The following ETV3 variants were observed in gnomAD, a reference collection of about 807,000 sequenced individuals.
ETV3 encodes ETS translocation variant 3.
In ETV3, 8 loss-of-function variants were observed where a neutral mutation model predicts 33.0. That is an observed-to-expected ratio of 0.24 (90% CI 0.14 to 0.44). The LOEUF (loss-of-function observed/expected upper bound fraction) is 0.44, where lower values mean the gene tolerates loss of function less well. Among genes scored for constraint, ETV3 ranks in the 20% least tolerant of loss-of-function variants. ETV3 has a pLI of 1.00. For synonymous variants in ETV3, 222 were observed against 238.9 expected (o/e 0.93, Z 0.65); for missense variants, 473 against 652.3 (o/e 0.73, Z 2.99).
At position 157,125,644 on chromosome 1, in the gene ETV3, G is replaced by A; in HGVS notation, c.736C>T (p.Pro246Ser). The change falls in exon 5 of 5, where the codon CCC (proline) becomes TCC (serine). Residue 246 changes from proline to serine, a missense_variant. Coordinates refer to ENST00000368192, the MANE Select transcript of ETV3 (RefSeq NM_001145312.3). The surrounding 1 kb of genome is among the most constrained non-coding windows in gnomAD (Gnocchi z 4.0). ...RPGMYPDPHS[P>S]FAVSPIPGRG... The stretch of plus-strand genomic sequence containing the variant: ...CCAGGGATTGGAGAGACAGCGAAGG[G>A]ACTGTGGGGGTCAGGGTACATCCCT... 1.9e-6 allele frequency: 3 copies of A among 1,551,714 alleles called. No individual in the cohort carries two copies. Among genetic ancestry groups the A allele is most frequent in the Non-Finnish European group, 2.6e-6 (3 of 1,147,008 alleles).
In ETV3 at chr1:157,134,718, G is replaced by C. The variant is rs150003228; in HGVS notation, c.285-491C>G. ...GGCAGGTCAAACAATGGCATGCCCT[G>C]ATCTGGAAAACAGCAGCTAGTGTGG... On this transcript the variant is annotated intron_variant, in intron 3 of 4. Coordinates refer to ENST00000368192, the MANE Select transcript of ETV3 (RefSeq NM_001145312.3). Among the ~76,000 whole-genome samples the C allele has an allele frequency of 7.2e-5, 11 of 152,340 alleles. No homozygotes were observed. The East Asian group carries it at 1.5e-3, about 21-fold the overall frequency.
At chr1:157,134,275 C>A in intron 3 of ETV3, 48 bp from the exon 4 acceptor site, 1 of 1,588,782 alleles carries the variant, frequency 6.3e-7, no homozygotes, top group South Asian at 1.2e-5. Context: ...CTACTGACAG[C>A]TTTCAATACA....
At position 157,125,042 on chromosome 1, in the gene ETV3, C is replaced by T. The variant is rs1219040970; in HGVS notation, c.1338G>A (p.Glu446=). Residue 446 remains glutamate (E), a synonymous_variant, in exon 5 of 5, where the codon GAG becomes GAA. Coordinates refer to ENST00000368192, the MANE Select transcript of ETV3 (RefSeq NM_001145312.3). This position sits in a 1 kb window ranked among gnomAD's most constrained non-coding sequence, Gnocchi z 4.0. ...GCCTATCCTCACTGTCTTCAGTCAC[C>T]TCCAGAGGTTCTCCACTTGGGGTGC... The part of the protein sequence containing the change: ...PISTPSGEPL[E]VTEDSEDRPG... 1.3e-6 allele frequency: 2 copies of T among 1,550,416 alleles called. No homozygotes were observed. Among genetic ancestry groups the T allele is most frequent in the African/African-American group, 2.7e-5 (2 of 72,978 alleles).
At chr1:157,134,982 T>C (rs998189078) in intron 3 of ETV3, 1 of 172,248 alleles carries the variant, frequency 5.8e-6, no homozygotes, top group Admixed American at 5.4e-5. Context: ...TCTTTAGACA[T>C]ATTGCAGCAG....
chr1:157,127,756 A>G (rs1448859987), intron 4 of ETV3, among the ~76,000 whole-genome samples: 1 of 152,088 alleles, frequency 6.6e-6, no homozygotes, highest in African/African-American at 2.4e-5. Flanking sequence ...CATGTTGGCC[A>G]GGCTGATCTC....
At chr1:157,135,428 C>A (rs1271273237) in intron 3 of ETV3, 43 bp downstream of exon 3, 1 of 1,606,698 alleles carries the variant, frequency 6.2e-7, no homozygotes, top group Non-Finnish European at 8.5e-7. Flanking sequence ...AGCTTAGTCT[C>A]CTTCCAATCT....
At chr1:157,135,155 T>C (rs1675068381) in intron 3 of ETV3, 1 of 451,316 alleles carries the variant, frequency 2.2e-6, no homozygotes, top group Admixed American at 3.9e-5. Flanking sequence ...AACTAATCCT[T>C]TGGATTATAA....
chr1:157,127,464 C>A (rs1334500376), intron 4 of ETV3, among the ~76,000 whole-genome samples: 3 of 152,080 alleles, frequency 2.0e-5, no homozygotes, highest in Non-Finnish European at 4.4e-5. Flanking sequence ...AATCCAGGAC[C>A]TACTATTCCT....
chr1:157,128,093 T>C (rs1674883660), intron 4 of ETV3, among the ~76,000 whole-genome samples: 1 of 152,072 alleles, frequency 6.6e-6, no homozygotes, highest in African/African-American at 2.4e-5. Flanking sequence ...TACACAGATA[T>C]GGGATGGTTA....
In ETV3 at chr1:157,125,689, G is replaced by A; in HGVS notation, c.691C>T (p.Leu231Phe). ...ATCCCTGGCCTAGCAAACAGAGGAAGCATTATGTCAGGCTTGCGTTTCTGA... is the reference window on the plus strand; with the variant it reads ...ATCCCTGGCCTAGCAAACAGAGGAAACATTATGTCAGGCTTGCGTTTCTGA... ...GHQKRKPDIM[L>F]PLFARPGMYP... is the part of the protein sequence containing the mutation. The change falls in exon 5 of 5, where the codon CTT (leucine) becomes TTT (phenylalanine). Residue 231 changes from leucine to phenylalanine, a missense_variant. Leu to Phe is a conservative substitution (Grantham distance 22). This residue lies in a region of ETV3 where 410 missense variants were observed against 520.2 expected (regional missense o/e 0.79). Coordinates refer to ENST00000368192, the MANE Select transcript of ETV3 (RefSeq NM_001145312.3). This position sits in a 1 kb window ranked among gnomAD's most constrained non-coding sequence, Gnocchi z 4.0. 1.3e-6 allele frequency: 2 copies of A among 1,551,678 alleles called. No individual in the cohort carries two copies. The highest frequency in any genetic ancestry group is 1.7e-6 in the Non-Finnish European group (2 of 1,147,000).
chr1:157,136,102 T>G (rs1675102515), intron 2 of ETV3, among the ~76,000 whole-genome samples: 1 of 152,192 alleles, frequency 6.6e-6, no homozygotes, highest in South Asian at 2.1e-4. Context: ...GCAAAGAGAC[T>G]CTAAAGCTTA....
At position 157,124,288 on chromosome 1, in the gene ETV3, A is replaced by G. The variant is rs1316956918; in HGVS notation, c.*553T>C. On this transcript the variant is annotated 3_prime_UTR_variant, in exon 5 of 5. Transcript: ENST00000368192. Reference sequence around the variant, plus strand: ...AGGAAGAAGAAAAAGAGCAACATCCAAACATTCCCCAAGCCCCACCCCAGT... The same window carrying G: ...AGGAAGAAGAAAAAGAGCAACATCCGAACATTCCCCAAGCCCCACCCCAGT... The G allele has an allele frequency of 3.3e-5, 5 of 151,820 alleles. No individual in the cohort carries two copies. Among genetic ancestry groups the G allele is most frequent in the African/African-American group, 9.7e-5 (4 of 41,358 alleles). The allele number at this position is 151,820 out of a possible 1,614,324, so 9.4% of individuals were successfully genotyped here.
At chr1:157,136,279 A>G (rs1675108180) in intron 2 of ETV3, 28 bp downstream of exon 2, 1 of 1,608,398 alleles carries the variant, frequency 6.2e-7, no homozygotes, top group Admixed American at 1.7e-5. Flanking sequence ...GCTTCCAGGT[A>G]CATCAGAGAT....
intron 1 of ETV3, among the ~76,000 whole-genome samples, chr1:157,136,940 C>T (rs1446550372): frequency 1.3e-5 from 2 of 152,190 alleles, no homozygotes; most frequent in Non-Finnish European, 1.5e-5. Flanking sequence ...GAAAAATACC[C>T]TGGGATACAG....
rs1454367145 is a variant in ETV3 at position 157,125,715 on chromosome 1, T to C, written c.665A>G (p.His222Arg). 1.3e-6 allele frequency: 2 copies of C among 1,551,680 alleles called. No homozygotes were observed. Among genetic ancestry groups the C allele is most frequent in the Admixed American group, 3.9e-5 (2 of 51,004 alleles). ...RNAIGGGGIG[H>R]QKRKPDIMLP... Reference sequence around the variant, plus strand: ...CATTATGTCAGGCTTGCGTTTCTGATGGCCAATCCCTCCTCCACCAATGGC... The same window carrying C: ...CATTATGTCAGGCTTGCGTTTCTGACGGCCAATCCCTCCTCCACCAATGGC... The change falls in exon 5 of 5, where the codon CAT becomes CGT. Residue 222 changes from histidine (H) to arginine (R), a missense_variant. His to Arg is a conservative substitution (Grantham distance 29). Coordinates refer to ENST00000368192, the MANE Select transcript of ETV3 (RefSeq NM_001145312.3). The surrounding 1 kb of genome is among the most constrained non-coding windows in gnomAD (Gnocchi z 4.0).
intron 4 of ETV3, among the ~76,000 whole-genome samples, chr1:157,131,435 T>C (rs1674965565): frequency 6.6e-6 from 1 of 152,182 alleles, no homozygotes. Flanking sequence ...CTTATCACAT[T>C]TCACATTGTA....
chr1:157,134,345 C>T, intron 3 of ETV3, 118 bp from the exon 4 acceptor site: 2 of 1,358,792 alleles, frequency 1.5e-6, no homozygotes, highest in African/African-American at 1.5e-5. Flanking sequence ...AAAATCACTA[C>T]CAATCTTTCG....
At position 157,121,760 on chromosome 1, in the gene ETV3, T is replaced by C. The variant is rs905916367; in HGVS notation, c.*3081A>G. ...ACTCTACCCACTTGGTGAGAAGTGATATACTTCAACTATTTTTTTAATGCT... is the reference window on the plus strand; with the variant it reads ...ACTCTACCCACTTGGTGAGAAGTGACATACTTCAACTATTTTTTTAATGCT... On this transcript the variant is annotated 3_prime_UTR_variant, in exon 5 of 5. Transcript: ENST00000368192. 6.6e-6 allele frequency: 1 copy of C among 152,228 alleles called. No homozygotes were observed. Among genetic ancestry groups the C allele is most frequent in the Non-Finnish European group, 1.5e-5 (1 of 68,042 alleles). The allele number at this position is 152,228 out of a possible 1,614,324, so 9.4% of individuals were successfully genotyped here.
At chr1:157,135,286 CT>C in intron 3 of ETV3, 184 bp downstream of exon 3, 1 of 714,382 alleles carries the variant, frequency 1.4e-6, no homozygotes, top group South Asian at 1.9e-5. Context: ...AAAGATATGC[CT>C]TTTCTCCTCC....
Sources: allele counts gnomAD v4.1 joint callset (sites outside exome capture counted in the v4.1 genomes callset), GRCh38; gene constraint gnomAD v4.1.1; regional missense constraint gnomAD v4.1.1; non-coding constraint Gnocchi (gnomAD v3.1); transcripts MANE v1.5; gene names NCBI Gene and HGNC (gene_info 2026-07-23, HGNC 2026-07-21).